Variants in IRAG2 observed in about 807,000 individuals in gnomAD.
IRAG2 encodes the protein lymphoid restricted membrane protein.
Under a neutral mutation model 69.9 loss-of-function variants are expected in IRAG2, and 45 were observed. The ratio of observed to expected loss-of-function variants is 0.64; its 90% CI spans 0.51 to 0.83. The LOEUF is 0.83. IRAG2 is among the 40% of genes least tolerant of loss of function. IRAG2 has a pLI of 0.00. For synonymous variants in IRAG2, 193 were observed against 202.4 expected (o/e 0.95, Z 0.40); for missense variants, 520 against 587.0 (o/e 0.89, Z 1.18).
At chr12:25,007,719 A>ACC (rs1160973023) in intron 2 of IRAG2, among the ~76,000 whole-genome samples, 4 of 152,138 alleles carry the variant, frequency 2.6e-5, no homozygotes, top group Non-Finnish European at 4.4e-5. Context: ...ATGGGGTTTC[A>ACC]CCATGTTGGC....
chr12:25,077,771 G>A (rs1028647070), intron 6 of IRAG2, among the ~76,000 whole-genome samples: 1 of 152,138 alleles, frequency 6.6e-6, no homozygotes, highest in African/African-American at 2.4e-5. Context: ...AGGGGTTTCA[G>A]TCATGTATGA....
At chr12:25,099,645 T>C (rs1011128305) in intron 15 of IRAG2, among the ~76,000 whole-genome samples, 1 of 152,126 alleles carries the variant, frequency 6.6e-6, no homozygotes, top group Non-Finnish European at 1.5e-5. Context: ...TGTTACTTTT[T>C]GGTTCAGCGT....
exon 6 of IRAG2, chr12:25,017,166 A>T (rs1944536271): frequency 8.1e-7 from 1 of 1,231,950 alleles, no homozygotes; most frequent in South Asian, 4.1e-5. Flanking sequence ...TACGTAGCAG[A>T]CCTTCATTTC....
intron 16 of IRAG2, among the ~76,000 whole-genome samples, chr12:25,042,440 T>C (rs959965607): frequency 2.6e-5 from 4 of 152,210 alleles, no homozygotes; most frequent in Admixed American, 6.5e-5. Flanking sequence ...GTTTATCATC[T>C]GTTGAATATC....
At chr12:25,044,887 G>A (rs1007157515) in intron 16 of IRAG2, among the ~76,000 whole-genome samples, 1 of 152,078 alleles carries the variant, frequency 6.6e-6, no homozygotes, top group African/African-American at 2.4e-5. Flanking sequence ...GGAAACAGCA[G>A]GCTTGAATGG....
At chr12:25,013,604 T>A (rs1944494704) in intron 3 of IRAG2, among the ~76,000 whole-genome samples, 1 of 152,144 alleles carries the variant, frequency 6.6e-6, no homozygotes, top group Non-Finnish European at 1.5e-5. Context: ...CAGTGATAAA[T>A]ACAAGCAATC....
At chr12:25,092,896 T>C (rs1948165303) in intron 14 of IRAG2, 2 of 157,848 alleles carry the variant, frequency 1.3e-5, no homozygotes, top group East Asian at 3.5e-4. Context: ...TTCATAATAT[T>C]TTGTTTGTAG....
intron 3 of IRAG2, chr12:25,015,127 A>T: frequency 6.6e-6 from 3 of 452,992 alleles, no homozygotes; most frequent in Non-Finnish European, 9.0e-6. Context: ...AAACTTGGTC[A>T]GGCAAAGAAT....
intron 6 of IRAG2, among the ~76,000 whole-genome samples, chr12:25,077,744 A>G (rs1277880933): frequency 2.6e-5 from 4 of 152,184 alleles, no homozygotes; most frequent in Non-Finnish European, 5.9e-5. Context: ...GTTGAATTAA[A>G]TTAAACTGGT....
chr12:25,099,830 T>A (rs1948641257), intron 15 of IRAG2, among the ~76,000 whole-genome samples: 1 of 151,182 alleles, frequency 6.6e-6, no homozygotes. Context: ...TAAAACCCCG[T>A]CTCTACTAAA....
upstream of IRAG2, among the ~76,000 whole-genome samples, chr12:25,002,729 C>T (rs1944401340): frequency 6.6e-6 from 1 of 151,874 alleles, no homozygotes; most frequent in Non-Finnish European, 1.5e-5. Context: ...GCAACCTCTG[C>T]CTCCAATGTT....
At chr12:25,048,666 T>C (rs1440331923), upstream of IRAG2, among the ~76,000 whole-genome samples, 2 of 152,178 alleles carry the variant, frequency 1.3e-5, no homozygotes, top group Admixed American at 6.5e-5. Context: ...ATATTAAACC[T>C]TTGTCCAATG....
chr12:25,063,794 G>A lies in IRAG2; in HGVS notation c.-229G>A, dbSNP rs1004602810. 8 of 398,906 alleles carry A rather than the reference G, an allele frequency of 2.0e-5. No individual in the cohort carries two copies. The highest frequency in any genetic ancestry group is 7.1e-5 in the East Asian group (2 of 28,090). The allele number at this position is 398,906 out of a possible 1,614,324, so 24.7% of individuals were successfully genotyped here. On this transcript the variant is annotated 5_prime_UTR_variant, in exon 4 of 22. It adds an upstream start codon to the 5' untranslated region. Coordinates refer to ENST00000556887, the MANE Select transcript of IRAG2 (RefSeq NM_001366544.2). Reference sequence around the variant, plus strand: ...AGACACCCCTGACCTTGAAACATACGTGCTGGTACACACCTCTGCTGGGTA... The same window carrying A: ...AGACACCCCTGACCTTGAAACATACATGCTGGTACACACCTCTGCTGGGTA...
At chr12:25,032,043 G>A (rs1349790125) in intron 10 of IRAG2, 2 of 396,950 alleles carry the variant, frequency 5.0e-6, no homozygotes, top group Middle Eastern at 6.2e-4. Flanking sequence ...TGACGATTGG[G>A]CATTTACAAT....
chr12:25,005,982 G>A (rs927162424), intron 2 of IRAG2, among the ~76,000 whole-genome samples: 5 of 152,116 alleles, frequency 3.3e-5, no homozygotes, highest in African/African-American at 1.2e-4. Flanking sequence ...AACCATGCAT[G>A]TGACAAAAGT....
chr12:25,087,768 C>T (rs1227873954), intron 10 of IRAG2, among the ~76,000 whole-genome samples: 1 of 152,154 alleles, frequency 6.6e-6, no homozygotes, highest in Non-Finnish European at 1.5e-5. Context: ...ACCACCTGAC[C>T]TCTGCCTCCT....
chr12:25,012,418 G>A (rs1944483999), intron 3 of IRAG2, among the ~76,000 whole-genome samples: 2 of 151,536 alleles, frequency 1.3e-5, no homozygotes, highest in Admixed American at 6.6e-5. Context: ...GCCTCCCAAA[G>A]TGCTGGGATT....
chr12:25,106,658 TTGGCTAATATTCTATTGTATATA>T (rs1565596352), intron 20 of IRAG2, among the ~76,000 whole-genome samples: 1 of 143,120 alleles, frequency 7.0e-6, no homozygotes, highest in Non-Finnish European at 1.6e-5. Flanking sequence ...TTGTATATAC[TTGGCTAATATTCTATTGTATATA>T]CTTGGCTAAT....
intron 10 of IRAG2, 111 bp downstream of exon 10, chr12:25,083,604 T>A: frequency 1.5e-6 from 1 of 658,010 alleles, no homozygotes; most frequent in Non-Finnish European, 2.6e-6. Flanking sequence ...TTCAAAATAT[T>A]ATGACGTTCA....
Sources: gnomAD v4.1 joint callset for allele counts (sites outside exome capture counted in the v4.1 genomes callset) on GRCh38, gnomAD v4.1.1 for gene constraint, MANE v1.5 for transcripts, NCBI Gene and HGNC (gene_info 2026-07-23, HGNC 2026-07-21) for gene names.